The following KLRF1 variants were observed in gnomAD, a reference collection of about 807,000 sequenced individuals.
KLRF1 encodes killer cell lectin-like receptor subfamily F member 1.
Under a neutral mutation model 30.7 loss-of-function variants are expected in KLRF1, and 27 were observed. The observed-to-expected ratio is 0.88, with a 90% CI of 0.65 to 1.21. The LOEUF is 1.21. Among genes scored for constraint, KLRF1 ranks in the 50% most tolerant of loss-of-function variants. The probability of loss-of-function intolerance (pLI) is 0.00; values close to 1 mark genes in which losing one functional copy is unlikely to be tolerated. For synonymous variants in KLRF1, 92 were observed against 89.3 expected (o/e 1.03, Z -0.17); for missense variants, 246 against 259.3 (o/e 0.95, Z 0.35).
intron 3 of KLRF1, among the ~76,000 whole-genome samples, chr12:9,840,138 G>A (rs1334160500): frequency 2.0e-5 from 3 of 152,080 alleles, no homozygotes; most frequent in Non-Finnish European, 4.4e-5. Context: ...TTATATGAAA[G>A]GTCCATCATA....
chr12:9,816,976 G>A, the KLRF1 span, among the ~76,000 whole-genome samples: 6,801 of 151,450 alleles, frequency 0.045, 523 homozygotes, highest in African/African-American at 0.16. Context: ...CTCGTGATCC[G>A]CCCGCCTCAG....
chr12:9,824,272 A>G (rs999053491), upstream of KLRF1, among the ~76,000 whole-genome samples: 5 of 152,202 alleles, frequency 3.3e-5, no homozygotes, highest in African/African-American at 1.2e-4. Flanking sequence ...CTAATTCACC[A>G]TGATCAAGTG....
At chr12:9,824,235 A>C (rs934251609), upstream of KLRF1, among the ~76,000 whole-genome samples, 1 of 152,200 alleles carries the variant, frequency 6.6e-6, no homozygotes, top group African/African-American at 2.4e-5. Context: ...AAATACTGAC[A>C]AACTGAATCC....
chr12:9,805,826 C>T, the KLRF1 span, among the ~76,000 whole-genome samples: 1 of 151,808 alleles, frequency 6.6e-6, no homozygotes, highest in Admixed American at 6.6e-5. Context: ...TACTCCTTTA[C>T]AATTCTTTTT....
chr12:9,802,901 A>G, the KLRF1 span, among the ~76,000 whole-genome samples: 1 of 152,106 alleles, frequency 6.6e-6, no homozygotes, highest in Non-Finnish European at 1.5e-5. Flanking sequence ...TAATTTATAG[A>G]TTCAATGATA....
chr12:9,822,206 T>C, the KLRF1 span, among the ~76,000 whole-genome samples: 4 of 152,092 alleles, frequency 2.6e-5, no homozygotes, highest in African/African-American at 7.2e-5. Flanking sequence ...CGAATATGGA[T>C]AGAAATGAAG....
At chr12:9,825,973 T>A (rs1591750010), upstream of KLRF1, among the ~76,000 whole-genome samples, 1 of 152,314 alleles carries the variant, frequency 6.6e-6, no homozygotes, top group East Asian at 1.9e-4. Flanking sequence ...AGAACAAAAT[T>A]TAGCAAGTAA....
chr12:9,806,786 A>G, the KLRF1 span, among the ~76,000 whole-genome samples: 1 of 151,980 alleles, frequency 6.6e-6, no homozygotes, highest in African/African-American at 2.4e-5. Flanking sequence ...GGCTCAAGCA[A>G]TCCTTCGCTT....
At chr12:9,834,895 T>C (rs1867536697) in intron 3 of KLRF1, among the ~76,000 whole-genome samples, 1 of 152,012 alleles carries the variant, frequency 6.6e-6, no homozygotes, top group Non-Finnish European at 1.5e-5. Flanking sequence ...AAGGCCTCGG[T>C]GGTTTTGGAG....
At chr12:9,843,948 C>G (rs1287231763) in intron 5 of KLRF1, among the ~76,000 whole-genome samples, 2 of 151,972 alleles carry the variant, frequency 1.3e-5, no homozygotes, top group Non-Finnish European at 2.9e-5. Flanking sequence ...GTAAATAATG[C>G]AATAAATATG....
chr12:9,843,815 A>C (rs1212744932), intron 5 of KLRF1, among the ~76,000 whole-genome samples: 4 of 152,174 alleles, frequency 2.6e-5, no homozygotes, highest in Non-Finnish European at 5.9e-5. Context: ...GATCATGTGC[A>C]CCTTTTCCAA....
At chr12:9,819,936 G>A in the KLRF1 span, among the ~76,000 whole-genome samples, 3 of 152,222 alleles carry the variant, frequency 2.0e-5, no homozygotes, top group Admixed American at 2.0e-4. Context: ...AGAGGGAAAG[G>A]CAGGCTGCCA....
chr12:9,800,453 C>A, the KLRF1 span, among the ~76,000 whole-genome samples: 1 of 151,906 alleles, frequency 6.6e-6, no homozygotes, highest in Non-Finnish European at 1.5e-5. Flanking sequence ...TTTTTTATTC[C>A]AAAACCCCTC....
intron 3 of KLRF1, among the ~76,000 whole-genome samples, chr12:9,841,464 T>TA (rs1026641831): frequency 2.6e-5 from 4 of 151,926 alleles, no homozygotes; most frequent in African/African-American, 4.8e-5. Context: ...ACTTAAAAGT[T>TA]AAAAAAAACC....
chr12:9,833,615 A>G (rs920843817), intron 3 of KLRF1, among the ~76,000 whole-genome samples, 163 bp downstream of exon 3: 1 of 152,196 alleles, frequency 6.6e-6, no homozygotes, highest in Non-Finnish European at 1.5e-5. Context: ...AACTTGTTGC[A>G]GTGGGAGAAA....
At chr12:9,817,670 C>T in the KLRF1 span, 1 of 253,524 alleles carries the variant, frequency 3.9e-6, no homozygotes. Context: ...TGGTCTTTGC[C>T]TTCCTCTTCC....
chr12:9,813,325 C>T, the KLRF1 span, among the ~76,000 whole-genome samples: 16 of 151,906 alleles, frequency 1.1e-4, no homozygotes, highest in Admixed American at 4.6e-4. Flanking sequence ...TAATTATTTT[C>T]GAGACGGGGA....
chr12:9,806,923 C>A, the KLRF1 span, among the ~76,000 whole-genome samples: 1 of 152,082 alleles, frequency 6.6e-6, no homozygotes, highest in Non-Finnish European at 1.5e-5. Flanking sequence ...CCTCAAATGA[C>A]CCTTCTGCCC....
chr12:9,828,118 TGCCCAG>T (rs781491822), intron 1 of KLRF1, among the ~76,000 whole-genome samples: 95 of 152,184 alleles, frequency 6.2e-4, no homozygotes, highest in African/African-American at 2.2e-3. Flanking sequence ...TCACTGTTGT[TGCCCAG>T]GCTGGAGTGC....
Sources: gnomAD v4.1 joint callset for allele counts (sites outside exome capture counted in the v4.1 genomes callset) on GRCh38, gnomAD v4.1.1 for gene constraint, MANE v1.5 for transcripts, NCBI Gene and HGNC (gene_info 2026-07-23, HGNC 2026-07-21) for gene names.